The following SLC24A3 variants were observed in gnomAD, a reference collection of about 807,000 sequenced individuals.
The protein encoded by SLC24A3 is solute carrier family 24 member 3.
In SLC24A3, 28 loss-of-function variants were observed where a neutral mutation model predicts 75.8. The ratio of observed to expected loss-of-function variants is 0.37; its 90% CI spans 0.27 to 0.51. The LOEUF (loss-of-function observed/expected upper bound fraction) is 0.51, where lower values mean the gene tolerates loss of function less well. SLC24A3 is among the 20% of genes least tolerant of loss of function. The probability of loss-of-function intolerance (pLI) is 0.94; values close to 1 mark genes in which losing one functional copy is unlikely to be tolerated. For synonymous variants in SLC24A3, 372 were observed against 334.1 expected (o/e 1.11, Z -1.24); for missense variants, 663 against 847.8 (o/e 0.78, Z 2.71).
intron 6 of SLC24A3, 57 bp from the exon 7 acceptor site, chr20:19,654,005 C>A: frequency 6.9e-7 from 1 of 1,454,104 alleles, no homozygotes; most frequent in Non-Finnish European, 9.6e-7. Context: ...GCAAGAGTCC[C>A]GCCATCTCAT....
chr20:19,304,615 C>T (rs1160279470), intron 2 of SLC24A3, among the ~76,000 whole-genome samples: 1 of 152,152 alleles, frequency 6.6e-6, no homozygotes, highest in African/African-American at 2.4e-5. Flanking sequence ...TGGCGTCATT[C>T]ATGCCCAGTA....
chr20:19,478,641 T>C (rs1988001260), intron 2 of SLC24A3, among the ~76,000 whole-genome samples: 1 of 152,120 alleles, frequency 6.6e-6, no homozygotes, highest in African/African-American at 2.4e-5. Context: ...AGGGTGAGCA[T>C]TTCCACCAAC....
At chr20:19,540,332 C>A (rs2030473241) in intron 3 of SLC24A3, among the ~76,000 whole-genome samples, 1 of 152,128 alleles carries the variant, frequency 6.6e-6, no homozygotes, top group Non-Finnish European at 1.5e-5. Flanking sequence ...AAGGGGAGAA[C>A]AAGGAACGCA....
chr20:19,389,408 T>C (rs2122386105), intron 2 of SLC24A3, among the ~76,000 whole-genome samples: 1 of 152,288 alleles, frequency 6.6e-6, no homozygotes, highest in African/African-American at 2.4e-5. Context: ...AATCTAGTGA[T>C]GATTAACTCT....
chr20:19,280,698 T>C (rs1394500566), intron 1 of SLC24A3, among the ~76,000 whole-genome samples: 1 of 152,162 alleles, frequency 6.6e-6, no homozygotes, highest in African/African-American at 2.4e-5. Context: ...GTTGATCAAG[T>C]GTGCTTTATC....
chr20:19,542,369 A>G (rs916491253), intron 3 of SLC24A3, among the ~76,000 whole-genome samples: 5 of 152,188 alleles, frequency 3.3e-5, no homozygotes, highest in African/African-American at 1.2e-4. Context: ...TTAGAATGCA[A>G]ACCTCAGGGC....
chr20:19,336,182 C>A lies in SLC24A3; in HGVS notation c.271+55095C>A, dbSNP rs141626211. Among the ~76,000 whole-genome samples, 448 of 152,234 alleles carry A rather than the reference C, an allele frequency of 2.9e-3. 2 individuals are homozygous for A. The highest frequency in any genetic ancestry group is 0.01 in the African/African-American group (432 of 41,532). ...GTATTTCCCCTCTTCTCTCTCTGTC[C>A]TTTAGGCCAGGGCTCGGGAAACTAC... On this transcript the variant is annotated intron_variant, in intron 2 of 16. Coordinates refer to ENST00000328041, the MANE Select transcript of SLC24A3 (RefSeq NM_020689.4).
rs141082912 is a variant in SLC24A3, at chr20:19,659,991, C to T, written c.687+5855C>T. On this transcript the variant is annotated intron_variant, in intron 7 of 16. Coordinates refer to ENST00000328041, the MANE Select transcript of SLC24A3 (RefSeq NM_020689.4). ...CCTTTCTGTGATAGAGAAGAAATCT[C>T]AGAGGTCATGTGGAAGTCTGTCCAT... Among the ~76,000 whole-genome samples the T allele has an allele frequency of 3.5e-3, 540 of 152,250 alleles. 1 individual carries two copies. The highest frequency in any genetic ancestry group is 0.013 in the African/African-American group (523 of 41,530).
intron 6 of SLC24A3, among the ~76,000 whole-genome samples, chr20:19,615,270 G>T (rs1269791053): frequency 6.6e-6 from 1 of 152,188 alleles, no homozygotes; most frequent in Admixed American, 6.5e-5. Context: ...AAGCAGACAC[G>T]AAGACAGAGT....
chr20:19,321,705 G>A (rs1331682257), intron 2 of SLC24A3, among the ~76,000 whole-genome samples: 2 of 152,148 alleles, frequency 1.3e-5, no homozygotes, highest in East Asian at 1.9e-4. Context: ...GTAAAGTTTT[G>A]TATAGTTACC....
At chr20:19,412,536 G>C (rs977841104) in intron 2 of SLC24A3, among the ~76,000 whole-genome samples, 4 of 151,434 alleles carry the variant, frequency 2.6e-5, no homozygotes, top group Non-Finnish European at 5.9e-5. Flanking sequence ...GGAGAAGGAG[G>C]AAAAGAGGAA....
intron 2 of SLC24A3, among the ~76,000 whole-genome samples, chr20:19,316,865 T>C (rs1307071896): frequency 2.0e-5 from 3 of 152,182 alleles, no homozygotes; most frequent in African/African-American, 7.2e-5. Context: ...CAGGGGTACA[T>C]GTGCAGGATG....
At chr20:19,631,731 A>C (rs2031935715) in intron 6 of SLC24A3, among the ~76,000 whole-genome samples, 1 of 152,106 alleles carries the variant, frequency 6.6e-6, no homozygotes, top group African/African-American at 2.4e-5. Context: ...CTAGTAAGGT[A>C]AAAAAATCTT....
chr20:19,696,017 T>TTTTC (rs1555807707), intron 13 of SLC24A3, among the ~76,000 whole-genome samples: 14 of 134,016 alleles, frequency 1.0e-4, no homozygotes, highest in African/African-American at 3.9e-4. Context: ...TTCCTTTTCT[T>TTTTC]TTTTTTTTTT....
At chr20:19,621,294 T>C (rs2031801549) in intron 6 of SLC24A3, among the ~76,000 whole-genome samples, 1 of 152,148 alleles carries the variant, frequency 6.6e-6, no homozygotes, top group Non-Finnish European at 1.5e-5. Context: ...GCAGGCTCAT[T>C]TCTCCCTATG....
chr20:19,277,330 T>C (rs2122218710), intron 1 of SLC24A3, among the ~76,000 whole-genome samples: 1 of 152,362 alleles, frequency 6.6e-6, no homozygotes, highest in South Asian at 2.1e-4. Flanking sequence ...TTTCTGCACA[T>C]CACAGACATT....
At chr20:19,709,745 A>G (rs2032969948) in intron 15 of SLC24A3, among the ~76,000 whole-genome samples, 1 of 152,146 alleles carries the variant, frequency 6.6e-6, no homozygotes, top group African/African-American at 2.4e-5. Context: ...GTGAGAATTT[A>G]GGGTCCAAAG....
intron 6 of SLC24A3, among the ~76,000 whole-genome samples, chr20:19,614,653 C>T (rs372472196): frequency 7.9e-5 from 12 of 152,202 alleles, no homozygotes; most frequent in Admixed American, 3.3e-4. Context: ...TAACCAAAGA[C>T]GCAGCCCAAA....
intron 1 of SLC24A3, among the ~76,000 whole-genome samples, chr20:19,233,394 A>G (rs866339615): frequency 5.9e-5 from 9 of 152,234 alleles, no homozygotes; most frequent in African/African-American, 1.9e-4. Flanking sequence ...ATCTTGTCCT[A>G]CATGGGAAGG....
Sources: allele counts gnomAD v4.1 joint callset (sites outside exome capture counted in the v4.1 genomes callset), GRCh38; gene constraint gnomAD v4.1.1; transcripts MANE v1.5; gene names NCBI Gene and HGNC (gene_info 2026-07-23, HGNC 2026-07-21).